Variants in RSRC1 observed in about 807,000 individuals in gnomAD.
RSRC1 encodes the protein serine/Arginine-related protein 53.
RSRC1 carries 39 observed loss-of-function variants against 49.1 expected under a neutral mutation model. The ratio of observed to expected loss-of-function variants is 0.79; its 90% CI spans 0.61 to 1.04. RSRC1 has a LOEUF of 1.04. Among genes scored for constraint, RSRC1 ranks in the 50% least tolerant of loss-of-function variants. The probability of loss-of-function intolerance (pLI) is 0.00; values close to 1 mark genes in which losing one functional copy is unlikely to be tolerated. For synonymous variants in RSRC1, 143 were observed against 130.8 expected (o/e 1.09, Z -0.63); for missense variants, 388 against 402.4 (o/e 0.96, Z 0.31).
chr3:158,444,764 A>G lies in RSRC1; in HGVS notation c.584-16171A>G, dbSNP rs1190832619. On this transcript the variant is annotated intron_variant, in intron 6 of 9. Coordinates refer to ENST00000611884, the MANE Select transcript of RSRC1 (RefSeq NM_001271838.2). ...ATTTTTTGCAATCTACTCATCTGAC[A>G]AAGGGCTAATATCCAGAATCTACAA... Among the ~76,000 whole-genome samples the G allele has an allele frequency of 2.0e-5, 3 of 152,200 alleles. No homozygotes were observed. In the South Asian group the frequency reaches 6.2e-4, roughly 31 times the overall value.
chr3:158,455,706 G>A (rs534437952), intron 6 of RSRC1, among the ~76,000 whole-genome samples: 4 of 152,106 alleles, frequency 2.6e-5, no homozygotes, highest in African/African-American at 9.6e-5. Flanking sequence ...ATGGCCTGGT[G>A]CGGTGGCTTA....
chr3:158,267,393 T>C (rs827092), intron 4 of RSRC1, among the ~76,000 whole-genome samples: 65,509 of 151,688 alleles, frequency 0.43, 14,457 homozygotes, highest in East Asian at 0.64. Flanking sequence ...ATAAATGTTT[T>C]CCCCCAAATT....
chr3:158,341,669 A>G (rs1235820863), intron 5 of RSRC1, among the ~76,000 whole-genome samples: 1 of 152,182 alleles, frequency 6.6e-6, no homozygotes, highest in Non-Finnish European at 1.5e-5. Flanking sequence ...GAGCCCCCAC[A>G]CAGAGTCCCT....
intron 6 of RSRC1, among the ~76,000 whole-genome samples, chr3:158,429,972 G>A (rs1393902257): frequency 1.3e-5 from 2 of 151,414 alleles, no homozygotes; most frequent in African/African-American, 2.4e-5. Flanking sequence ...GTAAGGCATG[G>A]TACCTATAGT....
At chr3:158,511,372 T>C (rs929074945) in intron 7 of RSRC1, among the ~76,000 whole-genome samples, 1 of 152,002 alleles carries the variant, frequency 6.6e-6, no homozygotes, top group African/African-American at 2.4e-5. Context: ...GAATATGTGG[T>C]GTTTGCTTTT....
chr3:158,408,859 C>T (rs561265180), intron 6 of RSRC1, among the ~76,000 whole-genome samples: 6 of 151,858 alleles, frequency 4.0e-5, no homozygotes, highest in Non-Finnish European at 8.8e-5. Flanking sequence ...TGGTGAGACC[C>T]CCGTCTCTAC....
intron 8 of RSRC1, among the ~76,000 whole-genome samples, chr3:158,543,115 T>C (rs1473684050): frequency 1.3e-5 from 2 of 152,146 alleles, no homozygotes; most frequent in Non-Finnish European, 2.9e-5. Context: ...TATATATCTA[T>C]AACTATATTC....
At chr3:158,318,686 A>G (rs1297369152) in intron 5 of RSRC1, among the ~76,000 whole-genome samples, 1 of 152,138 alleles carries the variant, frequency 6.6e-6, no homozygotes, top group Admixed American at 6.5e-5. Flanking sequence ...TGTGTAAAGT[A>G]TTTCCCTATT....
intron 6 of RSRC1, among the ~76,000 whole-genome samples, chr3:158,445,019 G>A (rs1480651509): frequency 6.6e-6 from 1 of 152,166 alleles, no homozygotes; most frequent in Non-Finnish European, 1.5e-5. Flanking sequence ...TGCTGGAGAG[G>A]ATGTGGAGAA....
intron 7 of RSRC1, among the ~76,000 whole-genome samples, chr3:158,497,487 A>T (rs1382944166): frequency 7.0e-6 from 1 of 142,104 alleles, no homozygotes; most frequent in East Asian, 2.1e-4. Flanking sequence ...CCCAGGTTGG[A>T]GTGCAGTGGC....
chr3:158,526,337 G>A (rs1258804504), intron 7 of RSRC1, among the ~76,000 whole-genome samples: 1 of 151,982 alleles, frequency 6.6e-6, no homozygotes. Context: ...CGTAGAGGAT[G>A]TTTGAAGTAC....
intron 5 of RSRC1, among the ~76,000 whole-genome samples, chr3:158,349,688 G>A (rs1560005191): frequency 9.0e-6 from 1 of 111,392 alleles, no homozygotes; most frequent in Non-Finnish European, 1.8e-5. Flanking sequence ...TATTCTTACT[G>A]CCCTTTTTTT....
chr3:158,463,215 A>G (rs994765704), intron 7 of RSRC1, among the ~76,000 whole-genome samples: 2 of 152,104 alleles, frequency 1.3e-5, no homozygotes, highest in African/African-American at 4.8e-5. Context: ...AGCATGCAAA[A>G]TTAAACCAAA....
chr3:158,372,184 C>G (rs10936133), intron 6 of RSRC1, among the ~76,000 whole-genome samples: 1 of 151,406 alleles, frequency 6.6e-6, no homozygotes, highest in African/African-American at 2.4e-5. Context: ...AGTCTAATTT[C>G]TCAGTTTTTC....
chr3:158,290,486 A>G (rs182437290), intron 4 of RSRC1, among the ~76,000 whole-genome samples: 5 of 152,240 alleles, frequency 3.3e-5, no homozygotes, highest in East Asian at 3.9e-4. Flanking sequence ...CGTGTTAGCC[A>G]GGATGGTCTC....
chr3:158,295,826 T>G (rs1559981262), intron 4 of RSRC1, among the ~76,000 whole-genome samples: 1 of 152,142 alleles, frequency 6.6e-6, no homozygotes, highest in African/African-American at 2.4e-5. Context: ...GTCCTCATTC[T>G]CAAATACAGG....
At chr3:158,387,391 C>G (rs1367192248) in intron 6 of RSRC1, among the ~76,000 whole-genome samples, 2 of 152,210 alleles carry the variant, frequency 1.3e-5, no homozygotes, top group Non-Finnish European at 2.9e-5. Flanking sequence ...CAAGTGAATA[C>G]TGGTTGCTTA....
At chr3:158,294,551 G>C (rs2108110603) in intron 4 of RSRC1, among the ~76,000 whole-genome samples, 1 of 151,362 alleles carries the variant, frequency 6.6e-6, no homozygotes, top group Non-Finnish European at 1.5e-5. Flanking sequence ...ACAGCATTTA[G>C]CTGCCTTGGA....
At chr3:158,169,208 G>C (rs1251011167) in intron 3 of RSRC1, among the ~76,000 whole-genome samples, 1 of 152,082 alleles carries the variant, frequency 6.6e-6, no homozygotes, top group Non-Finnish European at 1.5e-5. Context: ...TGTGTCCTCT[G>C]CTTCACCTTT....
Sources: gnomAD v4.1 joint callset for allele counts (sites outside exome capture counted in the v4.1 genomes callset) on GRCh38, gnomAD v4.1.1 for gene constraint, MANE v1.5 for transcripts, NCBI Gene and HGNC (gene_info 2026-07-23, HGNC 2026-07-21) for gene names.